Variants in GCC2 observed in about 807,000 individuals in gnomAD.
The protein encoded by GCC2 is GRIP and coiled-coil domain containing 2, also known as GRIP and coiled-coil domain-containing protein 2.
GCC2 carries 120 observed loss-of-function variants against 210.6 expected under a neutral mutation model. That is an observed-to-expected ratio of 0.57 (90% CI 0.49 to 0.66). The LOEUF (loss-of-function observed/expected upper bound fraction) is 0.66, where lower values mean the gene tolerates loss of function less well. Ranked by LOEUF, GCC2 falls within the 30% of genes least tolerant of loss-of-function variation. The pLI, the probability that GCC2 is intolerant of heterozygous loss-of-function variation, is 0.00. For missense variants in GCC2, 1,868 were observed against 1,871.9 expected (o/e 1.00, Z 0.04); for synonymous variants, 703 against 652.7 (o/e 1.08, Z -1.17).
At chr2:108,500,510 A>C (rs1682867069) in intron 22 of GCC2, among the ~76,000 whole-genome samples, 2 of 152,198 alleles carry the variant, frequency 1.3e-5, no homozygotes, top group African/African-American at 4.8e-5. Flanking sequence ...CTCCATCTCA[A>C]ACAAAAAACA....
chr2:108,490,795 A>G (rs1682368915), intron 18 of GCC2, among the ~76,000 whole-genome samples: 1 of 152,188 alleles, frequency 6.6e-6, no homozygotes, highest in Non-Finnish European at 1.5e-5. Context: ...ATATATAGTG[A>G]TGTTTGCTTG....
rs1681483869 is a variant in GCC2, at chr2:108,475,792, A to G, written c.3002A>G (p.Glu1001Gly). 1 of 1,607,218 alleles carries G rather than the reference A, an allele frequency of 6.2e-7. No homozygotes were observed. The highest frequency in any genetic ancestry group is 1.3e-5 in the African/African-American group (1 of 74,576). ...VKEELESLRSEKDQLSASMRD... is the reference protein window; with the variant it reads ...VKEELESLRSGKDQLSASMRD... ...GAAGAACTTGAATCTCTTCGATCAGAAAAGGACCAGTTATCTGCTTCCATG... is the reference window on the plus strand; with the variant it reads ...GAAGAACTTGAATCTCTTCGATCAGGAAAGGACCAGTTATCTGCTTCCATG... Residue 1001 changes from glutamate (E) to glycine (G), a missense_variant, in exon 9 of 23, where the codon GAA becomes GGA. Physicochemically the swap from Glu to Gly is moderately conservative, Grantham distance 98. Transcript: ENST00000309863.
chr2:108,468,212 C>A (rs1380680091), intron 4 of GCC2, among the ~76,000 whole-genome samples: 1 of 152,080 alleles, frequency 6.6e-6, no homozygotes, highest in African/African-American at 2.4e-5. Context: ...CAGGCACCCA[C>A]CACCACACCC....
At chr2:108,507,176 T>G (rs1683233512) in intron 22 of GCC2, among the ~76,000 whole-genome samples, 1 of 152,022 alleles carries the variant, frequency 6.6e-6, no homozygotes, top group East Asian at 1.9e-4. Flanking sequence ...GAGGATCACT[T>G]GAGCCCAGGA....
Position 108,482,464 on chromosome 2 carries a change from C to T in GCC2, c.3345+13C>T. ...ACAGAAGATAAAGGTAAAAACAATC[C>T]TATGAGATTGATTCACATATATATG... On this transcript the variant is annotated intron_variant, in intron 11 of 22. Coordinates refer to ENST00000309863, the MANE Select transcript of GCC2 (RefSeq NM_181453.4). The T allele has an allele frequency of 2.2e-6, 3 of 1,339,404 alleles. No homozygotes were observed. Among genetic ancestry groups the T allele is most frequent in the Non-Finnish European group, 3.2e-6 (3 of 944,538 alleles). 83.0% of individuals were successfully genotyped at this position (1,339,404 alleles called of 1,614,324 possible). A position where few individuals can be genotyped will look rare whatever the true frequency, so the allele number is the denominator to read the frequency against.
At chr2:108,474,251 A>G (rs1349553340) in intron 7 of GCC2, among the ~76,000 whole-genome samples, 8 of 152,228 alleles carry the variant, frequency 5.3e-5, no homozygotes, top group African/African-American at 9.6e-5. Flanking sequence ...TCATGTAAAC[A>G]TAGAGAAGAT....
At position 108,492,666 on chromosome 2, in the gene GCC2, T is replaced by C; in HGVS notation, c.4323T>C (p.Asn1441=). The change falls in exon 19 of 23, where the codon AAT becomes AAC. Residue 1441 remains asparagine, a synonymous_variant. Coordinates refer to ENST00000309863, the MANE Select transcript of GCC2 (RefSeq NM_181453.4). ...QLTSQNEVLR[N]SFRDQVRHLQ... is the part of the protein sequence containing the mutation. ...CATCCCAGAACGAGGTCCTTCGAAA[T>C]AGCTTCCGAGATCAAGTGCGACATT... The C allele has an allele frequency of 3.1e-6, 5 of 1,613,674 alleles. No homozygotes were observed. The highest frequency in any genetic ancestry group is 3.4e-6 in the Non-Finnish European group (4 of 1,179,626).
At chr2:108,497,732 A>C (rs1682715047) in intron 21 of GCC2, among the ~76,000 whole-genome samples, 1 of 152,160 alleles carries the variant, frequency 6.6e-6, no homozygotes, top group African/African-American at 2.4e-5. Flanking sequence ...GGATTACTCA[A>C]ATGAGGTATT....
chr2:108,470,913 T>G lies in GCC2; in HGVS notation c.1584T>G (p.Thr528=), dbSNP rs748202873. 1.4e-5 allele frequency: 22 copies of G among 1,613,384 alleles called. No homozygotes were observed. Among genetic ancestry groups the G allele is most frequent in the Non-Finnish European group, 1.9e-5 (22 of 1,179,694 alleles). The change falls in exon 6 of 23, where the codon ACT becomes ACG. Residue 528 remains threonine (T), a synonymous_variant. Transcript: ENST00000309863. The part of the protein sequence containing the change: ...ELQQKLRTAF[T]EKDALLETVN... ...AGCAGAAGCTCAGAACTGCTTTTAC[T>G]GAAAAAGATGCCCTTCTCGAAACTG...
rs1681047468 is a variant in GCC2 at position 108,469,021 on chromosome 2, A to G, written c.258A>G (p.Ala86=). 1.2e-6 allele frequency: 2 copies of G among 1,613,236 alleles called. No homozygotes were observed. Among genetic ancestry groups the G allele is most frequent in the Non-Finnish European group, 8.5e-7 (1 of 1,179,262 alleles). Residue 86 remains alanine (A), a synonymous_variant, in exon 5 of 23, where the codon GCA becomes GCG. Transcript: ENST00000309863. The part of the protein sequence containing the change: ...ERLDALLLEK[A]ETEQQCLSLK... ...TGGATGCTCTTCTTCTGGAAAAAGC[A>G]GAGACTGAGCAACAGTGTCTTTCTC...
At chr2:108,480,069 C>T (rs1681770855) in intron 9 of GCC2, among the ~76,000 whole-genome samples, 1 of 151,770 alleles carries the variant, frequency 6.6e-6, no homozygotes, top group South Asian at 2.1e-4. Flanking sequence ...GGTCCAGGTC[C>T]ACAGGCAGGC....
chr2:108,505,622 G>A (rs957038542), intron 22 of GCC2, among the ~76,000 whole-genome samples: 1 of 152,120 alleles, frequency 6.6e-6, no homozygotes, highest in Non-Finnish European at 1.5e-5. Context: ...CAGGCCATCA[G>A]TTTAGCGGCC....
intron 21 of GCC2, among the ~76,000 whole-genome samples, chr2:108,497,939 C>T (rs1573233980): frequency 6.6e-6 from 1 of 152,268 alleles, no homozygotes; most frequent in Middle Eastern, 3.4e-3. Flanking sequence ...TTCCCCTGTA[C>T]TTTGCTGCTC....
At position 108,492,801 on chromosome 2, in the gene GCC2, A is replaced by C. The variant is rs531299575; in HGVS notation, c.4447+11A>C. ...AACCGACCACAAGAAGTATGTATGT[A>C]CACATGGAAATATTAGTTGTTCATG... On this transcript the variant is annotated intron_variant, in intron 19 of 22. Coordinates refer to ENST00000309863, the MANE Select transcript of GCC2 (RefSeq NM_181453.4). 5 of 1,549,388 alleles carry C rather than the reference A, an allele frequency of 3.2e-6. No homozygotes were observed. In the Admixed American group the frequency reaches 8.3e-5, roughly 26 times the overall value.
Position 108,471,058 on chromosome 2 carries a change from C to A in GCC2, c.1729C>A (p.Gln577Lys). Reference sequence around the variant, plus strand: ...TGGAGTATACTTACTTAGTCTCAGTCAAAGAGATACCATGTTAAAAGAATT... The same window carrying A: ...TGGAGTATACTTACTTAGTCTCAGTAAAAGAGATACCATGTTAAAAGAATT... ...KNGVYLLSLS[Q>K]RDTMLKELEG... The change falls in exon 6 of 23, where the codon CAA (glutamine) becomes AAA (lysine). Residue 577 changes from glutamine to lysine, a missense_variant. Physicochemically the swap from Gln to Lys is moderately conservative, Grantham distance 53. Coordinates refer to ENST00000309863, the MANE Select transcript of GCC2 (RefSeq NM_181453.4). The A allele has an allele frequency of 1.9e-6, 3 of 1,586,328 alleles. No homozygotes were observed. The South Asian group carries it at 3.4e-5, about 18-fold the overall frequency.
At chr2:108,482,239 G>A (rs1681897717) in intron 10 of GCC2, 48 bp from the exon 11 acceptor site, 1 of 1,090,848 alleles carries the variant, frequency 9.2e-7, no homozygotes, top group South Asian at 1.5e-5. Flanking sequence ...TTCCTCTGCT[G>A]TATATGTTTT....
At chr2:108,490,898 C>A (rs1682374797) in intron 18 of GCC2, among the ~76,000 whole-genome samples, 1 of 152,098 alleles carries the variant, frequency 6.6e-6, no homozygotes, top group African/African-American at 2.4e-5. Flanking sequence ...GTAATTCAGT[C>A]TTTCAGTAAG....
At chr2:108,450,491 A>G (rs1248307068) in intron 2 of GCC2, among the ~76,000 whole-genome samples, 1 of 152,246 alleles carries the variant, frequency 6.6e-6, no homozygotes, top group African/African-American at 2.4e-5. Context: ...CATTAGCTAT[A>G]AGAGGATATG....
chr2:108,474,059 G>A (rs900361714), intron 7 of GCC2, among the ~76,000 whole-genome samples: 2 of 152,040 alleles, frequency 1.3e-5, no homozygotes, highest in African/African-American at 4.8e-5. Context: ...TCGGGAGGCT[G>A]AGGCAGGAAT....
Sources: allele counts gnomAD v4.1 joint callset (sites outside exome capture counted in the v4.1 genomes callset), GRCh38; gene constraint gnomAD v4.1.1; transcripts MANE v1.5; gene names NCBI Gene and HGNC (gene_info 2026-07-23, HGNC 2026-07-21).